TNFRSF8: variants seen among roughly 807,000 people sequenced by gnomAD.
TNFRSF8 encodes tumor necrosis factor receptor superfamily member 8.
TNFRSF8 carries 26 observed loss-of-function variants against 70.8 expected under a neutral mutation model. The observed-to-expected ratio is 0.37, with a 90% CI of 0.27 to 0.51. The LOEUF is 0.51. TNFRSF8 is among the 20% of genes least tolerant of loss of function. The pLI, the probability that TNFRSF8 is intolerant of heterozygous loss-of-function variation, is 0.94. For missense variants in TNFRSF8, 720 were observed against 807.9 expected (o/e 0.89, Z 1.32); for synonymous variants, 356 against 339.2 (o/e 1.05, Z -0.54).
At chr1:12,140,934 T>C (rs1257000675) in intron 14 of TNFRSF8, among the ~76,000 whole-genome samples, 1 of 152,058 alleles carries the variant, frequency 6.6e-6, no homozygotes, top group Non-Finnish European at 1.5e-5. Context: ...ATAGGGCTCC[T>C]AGGGCTGGGA....
intron 3 of TNFRSF8, among the ~76,000 whole-genome samples, chr1:12,099,185 C>CT (rs1311029057): frequency 6.6e-6 from 1 of 152,044 alleles, no homozygotes; most frequent in African/African-American, 2.4e-5. Context: ...GAGTCTGACT[C>CT]TGTCGCCCAG....
chr1:12,090,641 C>T (rs1641233939), intron 2 of TNFRSF8, among the ~76,000 whole-genome samples: 1 of 148,984 alleles, frequency 6.7e-6, no homozygotes, highest in South Asian at 2.2e-4. Flanking sequence ...TTCATTGATT[C>T]ACCCAATATG....
intron 2 of TNFRSF8, among the ~76,000 whole-genome samples, chr1:12,093,781 T>C (rs1034831840): frequency 6.6e-6 from 1 of 152,094 alleles, no homozygotes; most frequent in African/African-American, 2.4e-5. Context: ...CCTCAAATGA[T>C]CCGCCTGGGC....
At chr1:12,137,767 G>A (rs1460490039) in intron 13 of TNFRSF8, among the ~76,000 whole-genome samples, 1 of 152,018 alleles carries the variant, frequency 6.6e-6, no homozygotes, top group Non-Finnish European at 1.5e-5. Flanking sequence ...GGGGGACCTG[G>A]AGCTGGTACT....
chr1:12,080,301 G>A (rs779814326), intron 1 of TNFRSF8: 2 of 524,080 alleles, frequency 3.8e-6, no homozygotes, highest in Non-Finnish European at 7.6e-6. Flanking sequence ...TCAGGAGCCA[G>A]TGGAACATAT....
chr1:12,096,830 T>C (rs1027229921), intron 2 of TNFRSF8, among the ~76,000 whole-genome samples: 1 of 152,194 alleles, frequency 6.6e-6, no homozygotes, highest in African/African-American at 2.4e-5. Flanking sequence ...AAGGTCATTA[T>C]CACGCAATTG....
chr1:12,064,512 G>C (rs1012361821), intron 1 of TNFRSF8, among the ~76,000 whole-genome samples: 1 of 152,118 alleles, frequency 6.6e-6, no homozygotes, highest in African/African-American at 2.4e-5. Context: ...GTGGATGCCT[G>C]CTGAATGATA....
Position 12,070,712 on chromosome 1 carries a change from C to T in TNFRSF8, c.63+7051C>T, listed in dbSNP as rs143965755. On this transcript the variant is annotated intron_variant, in intron 1 of 14. Transcript: ENST00000263932. ...CAGGAGGGAAATCAGGGATCCTGTC[C>T]GTATTTGGGAGCTCAGAATCTGGCT... Among the ~76,000 whole-genome samples, 683 of 152,252 alleles carry T rather than the reference C, an allele frequency of 4.5e-3. 3 individuals are homozygous for T. The highest frequency in any genetic ancestry group is 0.016 in the African/African-American group (662 of 41,536).
intron 12 of TNFRSF8, 54 bp from the exon 13 acceptor site, chr1:12,135,534 G>A: frequency 1.2e-6 from 2 of 1,610,630 alleles, no homozygotes; most frequent in African/African-American, 1.3e-5. Flanking sequence ...TGGGGCGGGT[G>A]GGGCCGGGGG....
At chr1:12,073,176 G>A (rs1313597642) in intron 1 of TNFRSF8, among the ~76,000 whole-genome samples, 1 of 152,114 alleles carries the variant, frequency 6.6e-6, no homozygotes, top group Non-Finnish European at 1.5e-5. Flanking sequence ...AGAGGATCAC[G>A]TGAGCCCAGG....
In TNFRSF8 at chr1:12,084,449, T is replaced by C. The variant is rs758905789; in HGVS notation, c.64-15T>C. 6.2e-7 allele frequency: 1 copy of C among 1,613,816 alleles called. No homozygotes were observed. The highest frequency in any genetic ancestry group is 1.1e-5 in the South Asian group (1 of 91,066). On this transcript the variant is annotated splice_polypyrimidine_tract_variant and intron_variant, in intron 1 of 14. Transcript: ENST00000263932. Reference sequence around the variant, plus strand: ...TGGGATCCACCTGGCCTCACCAGCTTTTCTGACCTGCCAGGATCGACCCTT... The same window carrying C: ...TGGGATCCACCTGGCCTCACCAGCTCTTCTGACCTGCCAGGATCGACCCTT...
chr1:12,097,698 G>C (rs1028591951), intron 3 of TNFRSF8, among the ~76,000 whole-genome samples: 1 of 151,964 alleles, frequency 6.6e-6, no homozygotes, highest in African/African-American at 2.4e-5. Context: ...ATTATGGTTA[G>C]AGAATGCAGT....
intron 7 of TNFRSF8, among the ~76,000 whole-genome samples, chr1:12,114,723 T>A (rs953428696): frequency 1.7e-5 from 2 of 121,162 alleles, no homozygotes; most frequent in African/African-American, 7.8e-5. Flanking sequence ...TTTTTTTTTT[T>A]AAATAGACAG....
At position 12,109,521 on chromosome 1, in the gene TNFRSF8, G is replaced by T. The variant is rs527626251; in HGVS notation, c.422-45G>T. ...TGAAGGGTGTATTCCGGGAGACTTTGGGTCCCCAACACTGATTCTGAAGGC... is the reference window on the plus strand; with the variant it reads ...TGAAGGGTGTATTCCGGGAGACTTTTGGTCCCCAACACTGATTCTGAAGGC... On this transcript the variant is annotated intron_variant, in intron 4 of 14. Coordinates refer to ENST00000263932, the MANE Select transcript of TNFRSF8 (RefSeq NM_001243.5). The surrounding 1 kb of genome is among the most constrained non-coding windows in gnomAD (Gnocchi z 4.4). 2 of 1,526,842 alleles carry T rather than the reference G, an allele frequency of 1.3e-6. No individual in the cohort carries two copies. The highest frequency in any genetic ancestry group is 2.3e-5 in the South Asian group (2 of 88,350). The allele number at this position is 1,526,842 out of a possible 1,614,324, so 94.6% of individuals were successfully genotyped here. A position where few individuals can be genotyped will look rare whatever the true frequency, so the allele number is the denominator to read the frequency against.
At chr1:12,107,944 G>A (rs1641555725) in intron 4 of TNFRSF8, among the ~76,000 whole-genome samples, 1 of 152,074 alleles carries the variant, frequency 6.6e-6, no homozygotes, top group South Asian at 2.1e-4. Context: ...ATTGCCCGCG[G>A]AGACAGAGCA....
chr1:12,116,954 G>GT (rs1312730249), intron 8 of TNFRSF8, among the ~76,000 whole-genome samples: 3 of 152,142 alleles, frequency 2.0e-5, no homozygotes, highest in African/African-American at 7.2e-5. Flanking sequence ...GTTGAGAGGT[G>GT]TGAGGTGTAG....
chr1:12,073,591 T>C (rs1266885281), intron 1 of TNFRSF8, among the ~76,000 whole-genome samples: 1 of 149,516 alleles, frequency 6.7e-6, no homozygotes, highest in Non-Finnish European at 1.5e-5. Flanking sequence ...TTTTTCTTTT[T>C]CTTTTTTTTT....
intron 2 of TNFRSF8, among the ~76,000 whole-genome samples, chr1:12,090,427 A>C: frequency 2.2e-5 from 3 of 135,608 alleles, no homozygotes; most frequent in African/African-American, 2.9e-5. Context: ...CTACCCACCC[A>C]TCCACCCTTC....
Position 12,097,134 on chromosome 1 carries a change from C to G in TNFRSF8, c.185C>G (p.Pro62Arg). 6.2e-7 allele frequency: 1 copy of G among 1,614,100 alleles called. No homozygotes were observed. The highest frequency in any genetic ancestry group is 8.5e-7 in the Non-Finnish European group (1 of 1,179,990). ...CCGACACAGCAGTGCCCACAGAGGC[C>G]TACTGACTGCAGGAAGCAGTGTGAG... ...LFPTQQCPQR[P>R]TDCRKQCEPD... Residue 62 changes from proline to arginine, a missense_variant, in exon 3 of 15, where the codon CCT (proline) becomes CGT (arginine). Transcript: ENST00000263932.
Sources: allele counts gnomAD v4.1 joint callset (sites outside exome capture counted in the v4.1 genomes callset), GRCh38; gene constraint gnomAD v4.1.1; non-coding constraint Gnocchi (gnomAD v3.1); transcripts MANE v1.5; gene names NCBI Gene and HGNC (gene_info 2026-07-23, HGNC 2026-07-21).